The following MARCHF1 variants were observed in gnomAD, a reference collection of about 807,000 sequenced individuals.
MARCHF1 encodes the protein E3 ubiquitin-protein ligase MARCHF1.
A neutral mutation model predicts 54.2 loss-of-function variants in MARCHF1; 40 were observed. That is an observed-to-expected ratio of 0.74 (90% confidence interval 0.57 to 0.96). The LOEUF is 0.96. Among genes scored for constraint, MARCHF1 ranks in the 40% least tolerant of loss-of-function variants. The pLI is 0.00. For missense variants in MARCHF1, 586 were observed against 656.5 expected (o/e 0.89, Z 1.17); for synonymous variants, 236 against 236.3 (o/e 1.00, Z 0.01).
At chr4:163,672,528 C>T (rs1190209501) in intron 5 of MARCHF1, among the ~76,000 whole-genome samples, 1 of 152,036 alleles carries the variant, frequency 6.6e-6, no homozygotes, top group Non-Finnish European at 1.5e-5. Context: ...AGTATAGCTG[C>T]CTTATATGGT....
intron 1 of MARCHF1, among the ~76,000 whole-genome samples, chr4:164,323,130 C>T (rs1028224221): frequency 6.6e-6 from 1 of 151,666 alleles, no homozygotes; most frequent in African/African-American, 2.4e-5. Flanking sequence ...ATATACTTTC[C>T]CTCTAAGAAA....
At chr4:164,286,336 G>A (rs1734146874) in intron 1 of MARCHF1, among the ~76,000 whole-genome samples, 2 of 151,928 alleles carry the variant, frequency 1.3e-5, no homozygotes, top group Admixed American at 1.3e-4. Context: ...TCAATGAATT[G>A]CATCATATTT....
chr4:163,623,533 G>A (rs1181157581), intron 5 of MARCHF1, among the ~76,000 whole-genome samples: 3 of 152,062 alleles, frequency 2.0e-5, no homozygotes, highest in Admixed American at 6.6e-5. Flanking sequence ...AGCCTAAATG[G>A]GACGGCGTTA....
intron 4 of MARCHF1, among the ~76,000 whole-genome samples, chr4:163,722,500 T>C (rs1305229508): frequency 3.9e-5 from 6 of 152,226 alleles, no homozygotes; most frequent in African/African-American, 1.4e-4. Flanking sequence ...GAATAATGTA[T>C]ATTCTGTTGA....
At chr4:163,611,689 G>A (rs1741347013) in intron 7 of MARCHF1, among the ~76,000 whole-genome samples, 2 of 151,974 alleles carry the variant, frequency 1.3e-5, no homozygotes, top group South Asian at 2.1e-4. Flanking sequence ...GAAACCTTTC[G>A]GTATATGTTT....
intron 8 of MARCHF1, among the ~76,000 whole-genome samples, chr4:163,565,597 T>C (rs1739619897): frequency 6.6e-6 from 1 of 152,134 alleles, no homozygotes; most frequent in Admixed American, 6.5e-5. Flanking sequence ...TCATGAACCT[T>C]GTTAGAAAAG....
rs1560975291 is a variant in MARCHF1 at position 164,253,555 on chromosome 4, C to T, written c.-323+130315G>A. ...GCAAAAATACAGTCTGTTTAGTATACTCAGTTTATTGGTTTGTTTGGGGGA... is the reference window on the plus strand; with the variant it reads ...GCAAAAATACAGTCTGTTTAGTATATTCAGTTTATTGGTTTGTTTGGGGGA... On this transcript the variant is annotated intron_variant, in intron 1 of 9. Coordinates refer to ENST00000514618, the MANE Select transcript of MARCHF1 (RefSeq NM_001394959.1). Among the ~76,000 whole-genome samples the T allele has an allele frequency of 2.6e-5, 4 of 152,030 alleles. No individual in the cohort carries two copies. In the South Asian group the frequency reaches 8.3e-4, roughly 31 times the overall value.
intron 1 of MARCHF1, among the ~76,000 whole-genome samples, chr4:164,253,635 T>A (rs978791036): frequency 1.3e-5 from 2 of 152,114 alleles, no homozygotes; most frequent in Non-Finnish European, 2.9e-5. Context: ...CCTATATTTG[T>A]TTATTTAATT....
intron 3 of MARCHF1, among the ~76,000 whole-genome samples, chr4:163,897,979 C>T (rs1271970862): frequency 7.7e-5 from 11 of 143,714 alleles, no homozygotes; most frequent in Non-Finnish European, 1.3e-4. Context: ...GAGAATGGCA[C>T]GAACCCGGGA....
chr4:164,246,446 C>A (rs1732952228), intron 1 of MARCHF1, among the ~76,000 whole-genome samples: 1 of 51,426 alleles, frequency 1.9e-5, no homozygotes, highest in African/African-American at 5.0e-5. Flanking sequence ...ATACAAAAAT[C>A]AGTTCAAGAT....
At chr4:164,299,171 G>A (rs1734486872) in intron 1 of MARCHF1, among the ~76,000 whole-genome samples, 1 of 152,086 alleles carries the variant, frequency 6.6e-6, no homozygotes, top group South Asian at 2.1e-4. Flanking sequence ...TGCCCACTAT[G>A]TTCTGGGCTT....
chr4:163,944,775 C>T (rs970189034), intron 3 of MARCHF1, among the ~76,000 whole-genome samples: 1 of 152,122 alleles, frequency 6.6e-6, no homozygotes, highest in Non-Finnish European at 1.5e-5. Context: ...AATCTTTTAA[C>T]CAGAAATCCA....
intron 2 of MARCHF1, among the ~76,000 whole-genome samples, chr4:164,046,058 A>T (rs759298390): frequency 6.6e-6 from 1 of 152,162 alleles, no homozygotes; most frequent in Non-Finnish European, 1.5e-5. Context: ...TCTTACTTCA[A>T]TTCTCTAATT....
chr4:164,110,892 A>C (rs1755820908), intron 2 of MARCHF1, among the ~76,000 whole-genome samples: 1 of 151,780 alleles, frequency 6.6e-6, no homozygotes, highest in Non-Finnish European at 1.5e-5. Context: ...AGAAACTGAC[A>C]TAGCAAAATT....
Position 164,328,463 on chromosome 4 carries a change from T to TAAAGATA in MARCHF1, c.-323+55400_-323+55406dup, listed in dbSNP as rs1366177786. Among the ~76,000 whole-genome samples the TAAAGATA allele has an allele frequency of 2.0e-5, 3 of 152,250 alleles. No individual in the cohort carries two copies. The East Asian group carries it at 5.8e-4, about 29-fold the overall frequency. The stretch of plus-strand genomic sequence containing the variant: ...TGTATTTCTTAAATCAGTCAAATAC[T>TAAAGATA]AAAGATAATGTGCAACTGAAGAGCA... On this transcript the variant is annotated intron_variant, in intron 1 of 9. Transcript: ENST00000514618.
chr4:164,155,633 A>G (rs937058138), intron 1 of MARCHF1, among the ~76,000 whole-genome samples: 2 of 152,164 alleles, frequency 1.3e-5, no homozygotes, highest in Admixed American at 1.3e-4. Flanking sequence ...TAAATAATGT[A>G]TACATTGACA....
chr4:164,165,604 T>C (rs1730359010), intron 1 of MARCHF1, among the ~76,000 whole-genome samples: 1 of 151,948 alleles, frequency 6.6e-6, no homozygotes, highest in African/African-American at 2.4e-5. Flanking sequence ...CTAGTTTTAA[T>C]TTTCATTCTA....
intron 3 of MARCHF1, among the ~76,000 whole-genome samples, chr4:163,934,185 T>C (rs942448344): frequency 2.0e-5 from 3 of 152,166 alleles, no homozygotes; most frequent in African/African-American, 7.2e-5. Context: ...AATCATTGAC[T>C]ATAGTCCCAA....
chr4:163,771,761 A>G (rs1171969045), intron 4 of MARCHF1, among the ~76,000 whole-genome samples: 1 of 152,194 alleles, frequency 6.6e-6, no homozygotes, highest in Non-Finnish European at 1.5e-5. Context: ...TCTGATCTCA[A>G]GGGTGGAGGT....
Sources: gnomAD v4.1 joint callset for allele counts (sites outside exome capture counted in the v4.1 genomes callset) on GRCh38, gnomAD v4.1.1 for gene constraint, MANE v1.5 for transcripts, NCBI Gene and HGNC (gene_info 2026-07-23, HGNC 2026-07-21) for gene names.